Variants in FRS2 observed in about 807,000 individuals in gnomAD.
FRS2 encodes fibroblast growth factor receptor substrate 2.
A neutral mutation model predicts 43.9 loss-of-function variants in FRS2; 8 were observed. The ratio of observed to expected loss-of-function variants is 0.18; its 90% confidence interval spans 0.11 to 0.33. FRS2 has a LOEUF of 0.33. Ranked by LOEUF, FRS2 falls within the 10% of genes least tolerant of loss-of-function variation. The pLI is 1.00. For missense variants in FRS2, 534 were observed against 627.6 expected (o/e 0.85, Z 1.59); for synonymous variants, 219 against 220.3 (o/e 0.99, Z 0.05).
Position 69,470,480 on chromosome 12 carries a change from G to T in FRS2, c.-311G>T. The T allele has an allele frequency of 2.5e-6, 1 of 398,698 alleles. No individual in the cohort carries two copies. Among genetic ancestry groups the T allele is most frequent in the Non-Finnish European group, 4.4e-6 (1 of 226,138 alleles). The allele number at this position is 398,698 out of a possible 1,614,324, so 24.7% of individuals were successfully genotyped here. The stretch of plus-strand genomic sequence containing the variant: ...CTCCAGCGCGGGTCGGAGTCTGGGG[G>T]TTCGCGCCCGCCGACCCGCGCCCTG... On this transcript the variant is annotated 5_prime_UTR_variant, in exon 1 of 9. Coordinates refer to ENST00000549921, the MANE Select transcript of FRS2 (RefSeq NM_001278356.2).
At chr12:69,548,862 C>T (rs906588946) in intron 3 of FRS2, among the ~76,000 whole-genome samples, 6 of 152,080 alleles carry the variant, frequency 3.9e-5, no homozygotes, top group African/African-American at 1.4e-4. Context: ...CTAACAGGGG[C>T]CATTACTAGA....
intron 1 of FRS2, among the ~76,000 whole-genome samples, chr12:69,524,894 C>T (rs1473248459): frequency 6.6e-6 from 1 of 152,196 alleles, no homozygotes; most frequent in African/African-American, 2.4e-5. Context: ...GCCTGTTCAA[C>T]TCACCCCTTC....
At chr12:69,516,683 T>C (rs571551863) in intron 1 of FRS2, among the ~76,000 whole-genome samples, 2 of 152,342 alleles carry the variant, frequency 1.3e-5, no homozygotes, top group South Asian at 4.1e-4. Flanking sequence ...ATACTATACC[T>C]TTTGTCCTTA....
At chr12:69,531,797 G>C (rs1164690478) in intron 2 of FRS2, among the ~76,000 whole-genome samples, 1 of 152,126 alleles carries the variant, frequency 6.6e-6, no homozygotes, top group Non-Finnish European at 1.5e-5. Context: ...TTGATATTTA[G>C]AGAATAGAAT....
chr12:69,553,127 A>G (rs1220696333), intron 3 of FRS2, among the ~76,000 whole-genome samples: 1 of 152,104 alleles, frequency 6.6e-6, no homozygotes, highest in East Asian at 1.9e-4. Flanking sequence ...GCTGGAGTGC[A>G]GTGGCACAAT....
chr12:69,491,036 A>G (rs1389706596), intron 1 of FRS2, among the ~76,000 whole-genome samples: 2 of 152,234 alleles, frequency 1.3e-5, no homozygotes, highest in Admixed American at 1.3e-4. Context: ...TCTGTCTACT[A>G]GGTCCCATGC....
chr12:69,542,471 GA>G (rs777957208), intron 3 of FRS2, among the ~76,000 whole-genome samples: 26 of 151,940 alleles, frequency 1.7e-4, no homozygotes, highest in Non-Finnish European at 2.4e-4. Context: ...AAGTATGCAG[GA>G]AAAAAGTATA....
intron 1 of FRS2, among the ~76,000 whole-genome samples, chr12:69,498,858 A>G (rs1463691792): frequency 1.3e-5 from 2 of 152,200 alleles, no homozygotes; most frequent in African/African-American, 4.8e-5. Context: ...GTGTAGGATT[A>G]TAAAGGAGTA....
At position 69,564,321 on chromosome 12, in the gene FRS2, A is replaced by G. The variant is rs1880109278; in HGVS notation, c.-27+2047A>G. Among the ~76,000 whole-genome samples, 3 of 151,826 alleles carry G rather than the reference A, an allele frequency of 2.0e-5. No individual in the cohort carries two copies. The Middle Eastern group carries it at 0.01, about 516-fold the overall frequency. On this transcript the variant is annotated intron_variant, in intron 4 of 8. Transcript: ENST00000549921. ...ACATTTGTATTTCCCCAGAATTTCA[A>G]CCACAGACCAGTCTTCATACTATCC...
intron 1 of FRS2, among the ~76,000 whole-genome samples, chr12:69,507,989 A>G (rs1299047184): frequency 1.5e-5 from 2 of 129,650 alleles, no homozygotes; most frequent in African/African-American, 6.0e-5. Flanking sequence ...GCGCCATTGC[A>G]CTCCAGCCTG....
intron 1 of FRS2, among the ~76,000 whole-genome samples, chr12:69,472,253 A>AT (rs3970803): frequency 0.067 from 8,905 of 133,212 alleles, 655 homozygotes; most frequent in East Asian, 0.35. Flanking sequence ...CACCTGGCTA[A>AT]TTTTTTTTTT....
At chr12:69,539,120 G>A (rs1386615757) in intron 3 of FRS2, among the ~76,000 whole-genome samples, 2 of 152,174 alleles carry the variant, frequency 1.3e-5, no homozygotes, top group Admixed American at 1.3e-4. Context: ...TGTTGCCCAG[G>A]CTGGAGTGCA....
At chr12:69,542,176 A>T (rs1877974953) in intron 3 of FRS2, among the ~76,000 whole-genome samples, 1 of 152,192 alleles carries the variant, frequency 6.6e-6, no homozygotes, top group South Asian at 2.1e-4. Context: ...AGTATAACAA[A>T]CATATTAATT....
intron 1 of FRS2, among the ~76,000 whole-genome samples, chr12:69,476,832 T>G (rs1687355897): frequency 6.6e-6 from 1 of 152,162 alleles, no homozygotes. Context: ...AACATTTGTT[T>G]CTTTTGAGTG....
chr12:69,496,008 AC>A (rs1343672645), intron 1 of FRS2, among the ~76,000 whole-genome samples: 1 of 152,242 alleles, frequency 6.6e-6, no homozygotes, highest in Non-Finnish European at 1.5e-5. Context: ...GTTTTAACTT[AC>A]ATTTAGCTTT....
Position 69,571,310 on chromosome 12 carries a change from A to G in FRS2, c.288A>G (p.Glu96=), listed in dbSNP as rs1880733855. Residue 96 remains glutamate (E), a synonymous_variant, in exon 7 of 9, where the codon GAA becomes GAG. Transcript: ENST00000549921. ...IFAFKCARAE[E]LFNMLQEIMQ... The stretch of plus-strand genomic sequence containing the variant: ...CCTTTAAGTGTGCCCGTGCAGAAGA[A>G]TTATTTAACATGTTGCAAGAGATTA... 1.2e-6 allele frequency: 2 copies of G among 1,610,162 alleles called. No individual in the cohort carries two copies. The highest frequency in any genetic ancestry group is 1.1e-5 in the South Asian group (1 of 90,510).
At position 69,579,396 on chromosome 12, in the gene FRS2, CAG is replaced by C. The variant is rs1166183260; in HGVS notation, c.*4444_*4445del. On this transcript the variant is annotated 3_prime_UTR_variant, in exon 9 of 9. Transcript: ENST00000549921. ...TAATTTTTTTTATCTTTGGAGAAGT[CAG>C]AGTTCTTTACAATCAAACGTTTATT... is the stretch of plus-strand genomic sequence containing the variant. The C allele has an allele frequency of 7.3e-6, 1 of 137,200 alleles. No homozygotes were observed. The highest frequency in any genetic ancestry group is 2.9e-5 in the African/African-American group (1 of 34,386). 8.5% of individuals were successfully genotyped at this position (137,200 alleles called of 1,614,324 possible). A position where few individuals can be genotyped will look rare whatever the true frequency, so the allele number is the denominator to read the frequency against.
intron 3 of FRS2, among the ~76,000 whole-genome samples, chr12:69,534,441 T>C (rs1214421853): frequency 6.6e-6 from 1 of 152,170 alleles, no homozygotes; most frequent in Non-Finnish European, 1.5e-5. Flanking sequence ...GCTGATCAAG[T>C]TAAATCAACC....
At chr12:69,528,064 GA>G (rs774639266) in intron 1 of FRS2, among the ~76,000 whole-genome samples, 19 of 152,290 alleles carry the variant, frequency 1.2e-4, no homozygotes, top group South Asian at 2.1e-4. Context: ...ACTCTTGCCA[GA>G]ACTGTATCTT....
Sources: allele counts gnomAD v4.1 joint callset (sites outside exome capture counted in the v4.1 genomes callset), GRCh38; gene constraint gnomAD v4.1.1; transcripts MANE v1.5; gene names NCBI Gene and HGNC (gene_info 2026-07-23, HGNC 2026-07-21).